The following SPOCK1 variants were observed in gnomAD, a reference collection of about 807,000 sequenced individuals.
The protein encoded by SPOCK1 is SPARC (osteonectin), cwcv and kazal like domains proteoglycan 1, also known as testican-1.
A neutral mutation model predicts 55.3 loss-of-function variants in SPOCK1; 23 were observed. The observed-to-expected ratio is 0.42, with a 90% CI of 0.30 to 0.59. The LOEUF is 0.59. SPOCK1 is among the 20% of genes least tolerant of loss of function. SPOCK1 has a pLI of 0.22. For missense variants in SPOCK1, 499 were observed against 552.5 expected, an observed-to-expected ratio of 0.90 and a Z score of 0.97; for synonymous variants, 226 against 221.0, an observed-to-expected ratio of 1.02 and a Z score of -0.20.
chr5:137,061,515 C>T (rs1207929624), intron 6 of SPOCK1, among the ~76,000 whole-genome samples: 1 of 152,122 alleles, frequency 6.6e-6, no homozygotes, highest in African/African-American at 2.4e-5. Context: ...TTTAGCATGC[C>T]CTGTTGGAAA....
At chr5:137,435,045 G>A (rs1038453733) in intron 2 of SPOCK1, among the ~76,000 whole-genome samples, 25 of 152,136 alleles carry the variant, frequency 1.6e-4, no homozygotes, top group African/African-American at 4.8e-4. Flanking sequence ...TACTTCCAAT[G>A]TCATTTCTAA....
At position 136,975,321 on chromosome 5, in the gene SPOCK1, GAGAC is replaced by G; in HGVS notation, c.*3329_*3332del. Reference sequence around the variant, plus strand: ...TATTGCAGACAAAGTAAAATTTATTGAGACAGACAGAAATGCACCTACTCAGGAC... The same window carrying G: ...TATTGCAGACAAAGTAAAATTTATTGAGACAGAAATGCACCTACTCAGGAC... On this transcript the variant is annotated 3_prime_UTR_variant, in exon 11 of 11. Transcript: ENST00000394945. 6.5e-6 allele frequency: 1 copy of G among 152,742 alleles called. No homozygotes were observed. Among genetic ancestry groups the G allele is most frequent in the East Asian group, 1.9e-4 (1 of 5,182 alleles). The allele number at this position is 152,742 out of a possible 1,614,324, so 9.5% of individuals were successfully genotyped here. A position where few individuals can be genotyped will look rare whatever the true frequency, so the allele number is the denominator to read the frequency against.
At chr5:137,177,832 G>T (rs535800832) in intron 3 of SPOCK1, among the ~76,000 whole-genome samples, 5 of 151,856 alleles carry the variant, frequency 3.3e-5, no homozygotes, top group Non-Finnish European at 5.9e-5. Flanking sequence ...GGGAGAGGGG[G>T]TGGGGAAAGA....
At chr5:137,137,317 T>C (rs1754002592) in intron 4 of SPOCK1, among the ~76,000 whole-genome samples, 1 of 152,158 alleles carries the variant, frequency 6.6e-6, no homozygotes, top group African/African-American at 2.4e-5. Context: ...CTTCCCTGAT[T>C]GATGAATAAA....
chr5:137,403,699 G>A (rs1161864472), intron 2 of SPOCK1, among the ~76,000 whole-genome samples: 12 of 151,712 alleles, frequency 7.9e-5, no homozygotes, highest in South Asian at 2.1e-4. Flanking sequence ...CAGGCAGCAC[G>A]GGCACAGGAA....
chr5:137,302,851 T>C (rs1376637069), intron 2 of SPOCK1, among the ~76,000 whole-genome samples: 1 of 152,150 alleles, frequency 6.6e-6, no homozygotes, highest in Non-Finnish European at 1.5e-5. Context: ...TGGGGAGTTA[T>C]AAGGCTGGGG....
intron 2 of SPOCK1, among the ~76,000 whole-genome samples, chr5:137,307,610 A>G (rs887622103): frequency 7.2e-5 from 11 of 152,194 alleles, no homozygotes; most frequent in African/African-American, 2.7e-4. Flanking sequence ...TAAAATGCCA[A>G]TTTCCCAGAT....
intron 3 of SPOCK1, among the ~76,000 whole-genome samples, chr5:137,172,733 T>G (rs1012501869): frequency 6.6e-6 from 1 of 152,134 alleles, no homozygotes; most frequent in Non-Finnish European, 1.5e-5. Context: ...ACACCCAATC[T>G]GTGTCTGTGC....
intron 2 of SPOCK1, among the ~76,000 whole-genome samples, chr5:137,419,595 C>T (rs1391384061): frequency 6.6e-6 from 1 of 152,134 alleles, no homozygotes; most frequent in Non-Finnish European, 1.5e-5. Flanking sequence ...TGATTTGGCT[C>T]TCTGTTTGTC....
intron 3 of SPOCK1, among the ~76,000 whole-genome samples, chr5:137,160,573 A>T (rs1244869513): frequency 5.0e-5 from 3 of 60,278 alleles, no homozygotes; most frequent in Non-Finnish European, 6.2e-5. Context: ...ATTATATATT[A>T]TATAATATAT....
chr5:137,221,003 G>A (rs1285338865), intron 3 of SPOCK1, among the ~76,000 whole-genome samples: 1 of 152,186 alleles, frequency 6.6e-6, no homozygotes, highest in Non-Finnish European at 1.5e-5. Flanking sequence ...TAAGCCAACA[G>A]CCACAGAAAC....
intron 7 of SPOCK1, among the ~76,000 whole-genome samples, chr5:136,991,005 T>A (rs921911918): frequency 3.9e-5 from 6 of 152,130 alleles, no homozygotes; most frequent in Non-Finnish European, 7.3e-5. Flanking sequence ...CAAATGCCGC[T>A]CACTCCTCTG....
chr5:137,242,871 T>C (rs537427337), intron 3 of SPOCK1, among the ~76,000 whole-genome samples: 22 of 152,374 alleles, frequency 1.4e-4, no homozygotes, highest in African/African-American at 4.8e-4. Context: ...CATGTTCATA[T>C]GTCTTGGAGA....
intron 3 of SPOCK1, among the ~76,000 whole-genome samples, chr5:137,232,099 T>C (rs1021927455): frequency 3.8e-4 from 58 of 152,316 alleles, no homozygotes; most frequent in African/African-American, 1.3e-3. Flanking sequence ...TCTCAACACT[T>C]GCCACCTGTA....
intron 3 of SPOCK1, among the ~76,000 whole-genome samples, chr5:137,161,054 CTAATA>C (rs1754547505): frequency 4.8e-5 from 7 of 144,512 alleles, no homozygotes; most frequent in South Asian, 4.4e-4. Flanking sequence ...ATATATCTCT[CTAATA>C]TATTATATAT....
At chr5:137,040,229 G>A (rs1001869845) in intron 6 of SPOCK1, among the ~76,000 whole-genome samples, 2 of 152,206 alleles carry the variant, frequency 1.3e-5, no homozygotes, top group East Asian at 1.9e-4. Flanking sequence ...CCAGCAATCC[G>A]AAGAGGTGGG....
At chr5:137,339,419 T>C (rs74809816) in intron 2 of SPOCK1, among the ~76,000 whole-genome samples, 5,044 of 152,286 alleles carry the variant, frequency 0.033, 275 homozygotes, top group African/African-American at 0.12. Context: ...AATGTATATA[T>C]AAAGGCCTTT....
At chr5:137,178,273 C>A (rs1303550728) in intron 3 of SPOCK1, among the ~76,000 whole-genome samples, 1 of 152,224 alleles carries the variant, frequency 6.6e-6, no homozygotes, top group South Asian at 2.1e-4. Context: ...AGCTCTCAAT[C>A]CCCTGTGCTT....
intron 2 of SPOCK1, among the ~76,000 whole-genome samples, chr5:137,455,185 A>G (rs557332656): frequency 6.6e-6 from 1 of 152,280 alleles, no homozygotes; most frequent in African/African-American, 2.4e-5. Flanking sequence ...CATTGGGATA[A>G]TATTACTTCA....
Sources: allele counts gnomAD v4.1 joint callset (sites outside exome capture counted in the v4.1 genomes callset), GRCh38; gene constraint gnomAD v4.1.1; transcripts MANE v1.5; gene names NCBI Gene and HGNC (gene_info 2026-07-23, HGNC 2026-07-21).